The following KAZN variants were observed in gnomAD, a reference collection of about 807,000 sequenced individuals.
The protein encoded by KAZN is kazrin, periplakin interacting protein, also known as kazrin.
A neutral mutation model predicts 87.4 loss-of-function variants in KAZN; 40 were observed. The observed-to-expected ratio is 0.46, with a 90% CI of 0.36 to 0.60. The LOEUF (loss-of-function observed/expected upper bound fraction) is 0.60, where lower values mean the gene tolerates loss of function less well. KAZN is among the 20% of genes least tolerant of loss of function. The probability of loss-of-function intolerance (pLI) is 0.00; values close to 1 mark genes in which losing one functional copy is unlikely to be tolerated. For synonymous variants in KAZN, 466 were observed against 458.3 expected, an observed-to-expected ratio of 1.02 and a Z score of -0.22; for missense variants, 898 against 1,073.9, an observed-to-expected ratio of 0.84 and a Z score of 2.29.
chr1:14,264,084 G>A (rs368362438), intron 2 of KAZN, among the ~76,000 whole-genome samples: 2 of 152,200 alleles, frequency 1.3e-5, no homozygotes, highest in South Asian at 2.1e-4. Context: ...TTACAGTTCT[G>A]TAGGTCTGAA....
At chr1:15,100,991 G>A (rs1034095313) in intron 10 of KAZN, among the ~76,000 whole-genome samples, 1 of 152,188 alleles carries the variant, frequency 6.6e-6, no homozygotes, top group African/African-American at 2.4e-5. Context: ...AATGAGGGGG[G>A]CTTAGGTGGA....
At chr1:14,359,636 G>A (rs1272787881) in intron 2 of KAZN, among the ~76,000 whole-genome samples, 2 of 152,152 alleles carry the variant, frequency 1.3e-5, no homozygotes, top group Non-Finnish European at 2.9e-5. Flanking sequence ...GCCTAGTGGT[G>A]ACAAAATCTC....
intron 1 of KAZN, among the ~76,000 whole-genome samples, chr1:13,906,736 C>G (rs1399443989): frequency 6.6e-6 from 1 of 152,226 alleles, no homozygotes; most frequent in Non-Finnish European, 1.5e-5. Context: ...CTCAGGGACT[C>G]ACTCTGTGCC....
At chr1:14,999,906 A>G (rs1668293652) in intron 2 of KAZN, among the ~76,000 whole-genome samples, 1 of 152,148 alleles carries the variant, frequency 6.6e-6, no homozygotes, top group Non-Finnish European at 1.5e-5. Context: ...ACCCCAGGGC[A>G]GGGGCTGGTG....
intron 1 of KAZN, among the ~76,000 whole-genome samples, chr1:13,972,207 A>G (rs1420950079): frequency 6.6e-6 from 1 of 152,122 alleles, no homozygotes; most frequent in East Asian, 1.9e-4. Flanking sequence ...ACCATGAAGA[A>G]GACTCCAATA....
intron 1 of KAZN, among the ~76,000 whole-genome samples, chr1:13,941,355 A>G (rs1476721108): frequency 1.3e-5 from 2 of 152,150 alleles, no homozygotes; most frequent in African/African-American, 4.8e-5. Context: ...AGAATCTACT[A>G]TGTGCTGGAG....
intron 1 of KAZN, among the ~76,000 whole-genome samples, chr1:13,959,294 G>C (rs1641666016): frequency 1.3e-5 from 2 of 152,190 alleles, no homozygotes; most frequent in Admixed American, 1.3e-4. Context: ...CCAGCCTCCA[G>C]AGCTGTTGTT....
chr1:14,894,530 C>T (rs956899915), intron 1 of KAZN, among the ~76,000 whole-genome samples: 5 of 152,238 alleles, frequency 3.3e-5, no homozygotes, highest in Admixed American at 2.6e-4. Flanking sequence ...GCCCTGCAGG[C>T]GTTAACTGTC....
intron 2 of KAZN, among the ~76,000 whole-genome samples, chr1:14,978,098 G>T (rs143613216): frequency 1.3e-5 from 2 of 152,168 alleles, no homozygotes; most frequent in East Asian, 3.9e-4. Context: ...TGGTCCAGGC[G>T]AACGCTCCCT....
intron 1 of KAZN, among the ~76,000 whole-genome samples, chr1:14,177,872 T>C (rs2100297232): frequency 6.6e-6 from 1 of 152,214 alleles, no homozygotes; most frequent in South Asian, 2.1e-4. Flanking sequence ...GCTTACAGTT[T>C]ATTGAGATTC....
intron 2 of KAZN, among the ~76,000 whole-genome samples, chr1:14,245,895 C>T (rs551053612): frequency 1.3e-5 from 2 of 152,256 alleles, no homozygotes; most frequent in South Asian, 4.1e-4. Context: ...TTCATGGCAG[C>T]ACTATTCACA....
At chr1:14,471,669 C>T (rs1404997370) in intron 2 of KAZN, among the ~76,000 whole-genome samples, 1 of 152,198 alleles carries the variant, frequency 6.6e-6, no homozygotes, top group South Asian at 2.1e-4. Flanking sequence ...TTTTCAGGCT[C>T]ATTTATACTC....
At chr1:13,945,068 T>G (rs1466856568) in intron 1 of KAZN, among the ~76,000 whole-genome samples, 2 of 151,908 alleles carry the variant, frequency 1.3e-5, no homozygotes, top group African/African-American at 2.4e-5. Context: ...TAAAACAAAG[T>G]GGACCTGAAG....
At chr1:14,537,718 G>A (rs779122460) in intron 2 of KAZN, among the ~76,000 whole-genome samples, 38 of 152,172 alleles carry the variant, frequency 2.5e-4, no homozygotes, top group Non-Finnish European at 5.0e-4. Flanking sequence ...TGGAAGAGCT[G>A]TTTGGATCTC....
intron 1 of KAZN, among the ~76,000 whole-genome samples, chr1:14,001,556 G>A (rs1163275454): frequency 6.6e-6 from 1 of 151,978 alleles, no homozygotes; most frequent in Non-Finnish European, 1.5e-5. Context: ...GACAATCCTA[G>A]GCAAAAAGAA....
At chr1:14,407,710 A>C (rs1663976623) in intron 2 of KAZN, among the ~76,000 whole-genome samples, 1 of 151,888 alleles carries the variant, frequency 6.6e-6, no homozygotes, top group Non-Finnish European at 1.5e-5. Flanking sequence ...TATCATGCAT[A>C]TAGTAAGTTC....
intron 2 of KAZN, among the ~76,000 whole-genome samples, chr1:14,993,727 C>T (rs1667586066): frequency 6.6e-6 from 1 of 152,168 alleles, no homozygotes; most frequent in Non-Finnish European, 1.5e-5. Flanking sequence ...CAGGACTTCG[C>T]CCATCCTGGG....
At chr1:14,547,383 T>A (rs1200045024) in intron 2 of KAZN, among the ~76,000 whole-genome samples, 1 of 152,236 alleles carries the variant, frequency 6.6e-6, no homozygotes, top group Non-Finnish European at 1.5e-5. Context: ...CTTGACTTTG[T>A]CATTAACTGA....
intron 2 of KAZN, among the ~76,000 whole-genome samples, chr1:14,432,276 T>A (rs1389871083): frequency 1.3e-5 from 2 of 152,214 alleles, no homozygotes; most frequent in Non-Finnish European, 2.9e-5. Context: ...AAGTCACAGT[T>A]CAATTCTGCA....
Sources: allele counts gnomAD v4.1 joint callset (sites outside exome capture counted in the v4.1 genomes callset), GRCh38; gene constraint gnomAD v4.1.1; transcripts MANE v1.5; gene names NCBI Gene and HGNC (gene_info 2026-07-23, HGNC 2026-07-21).